Variants in ABTB1 observed in about 807,000 individuals in gnomAD.
ABTB1 encodes the protein ankyrin repeat and BTB/POZ domain-containing protein 1.
In ABTB1, 45 loss-of-function variants were observed where a neutral mutation model predicts 57.1. The observed-to-expected ratio is 0.79, with a 90% CI of 0.62 to 1.01. The LOEUF (loss-of-function observed/expected upper bound fraction) is 1.01, where lower values mean the gene tolerates loss of function less well. Among genes scored for constraint, ABTB1 ranks in the 50% least tolerant of loss-of-function variants. The pLI, the probability that ABTB1 is intolerant of heterozygous loss-of-function variation, is 0.00. For missense variants in ABTB1, 630 were observed against 666.3 expected (o/e 0.95, Z 0.60); for synonymous variants, 302 against 275.4 (o/e 1.10, Z -0.95).
rs1256454472 is a variant in ABTB1, at chr3:127,680,367, C to T, written c.1329C>T (p.Ile443=). 3 of 1,608,418 alleles carry T rather than the reference C, an allele frequency of 1.9e-6. No homozygotes were observed. Among genetic ancestry groups the T allele is most frequent in the Non-Finnish European group, 2.5e-6 (3 of 1,177,890 alleles). The stretch of plus-strand genomic sequence containing the variant: ...ACTCTATCCCGCTGGTGGACGACAT[C>T]CGCTTCCACGTGGCCAGCACGGTGC... ...ETDSIPLVDD[I]RFHVASTVQT... is the part of the protein sequence containing the mutation. The change falls in exon 12 of 12, where the codon ATC becomes ATT. Residue 443 remains isoleucine (I), a synonymous_variant. Transcript: ENST00000232744.
At chr3:127,677,880 C>G (rs1444375072) in intron 10 of ABTB1, 37 bp downstream of exon 10, 1 of 1,601,610 alleles carries the variant, frequency 6.2e-7, no homozygotes, top group East Asian at 2.2e-5. Flanking sequence ...GGCACACAAC[C>G]TGTGCTGCCG....
At chr3:127,674,296 C>T (rs976205964) in intron 1 of ABTB1, 95 bp from the exon 2 acceptor site, 2 of 1,512,392 alleles carry the variant, frequency 1.3e-6, no homozygotes, top group African/African-American at 1.4e-5. Context: ...TTCCCCATAC[C>T]AAAAGGGATG....
chr3:127,677,064 C>T lies in ABTB1; in HGVS notation c.624C>T (p.Cys208=), dbSNP rs1384311987. 1.9e-5 allele frequency: 31 copies of T among 1,614,020 alleles called. No individual in the cohort carries two copies. The highest frequency in any genetic ancestry group is 1.1e-4 in the African/African-American group (8 of 74,940). ...TGCTCAGCGACCTGGAGGCCAAGTG[C>T]GAGAAGGTGTCTGAGTTTGGTGCGA... ...WDLLSDLEAK[C]EKVSEFVASK... is the part of the protein sequence containing the mutation. Residue 208 remains cysteine (C), a synonymous_variant, in exon 7 of 12, where the codon TGC becomes TGT. Transcript: ENST00000232744.
chr3:127,676,788 C>A lies in ABTB1; in HGVS notation c.527-179C>A. On this transcript the variant is annotated intron_variant, in intron 6 of 11. Transcript: ENST00000232744. The surrounding 1 kb of genome is among the most constrained non-coding windows in gnomAD (Gnocchi z 5.4). ...GCTTGTCCCACCCACATGCTGAGGC[C>A]CTCCCATCTGTTCCCTGGGGCCTGT... 1.2e-6 allele frequency: 1 copy of A among 828,980 alleles called. No homozygotes were observed. Among genetic ancestry groups the A allele is most frequent in the Non-Finnish European group, 1.9e-6 (1 of 535,180 alleles). 51.4% of individuals were successfully genotyped at this position (828,980 alleles called of 1,614,324 possible). A position where few individuals can be genotyped will look rare whatever the true frequency, so the allele number is the denominator to read the frequency against.
At chr3:127,673,899 G>A (rs892986700) in intron 1 of ABTB1, among the ~76,000 whole-genome samples, 1 of 152,196 alleles carries the variant, frequency 6.6e-6, no homozygotes, top group African/African-American at 2.4e-5. Flanking sequence ...ATTAGCATTG[G>A]CGACTCCCCT....
At position 127,680,113 on chromosome 3, in the gene ABTB1, C is replaced by T. The variant is rs147604526; in HGVS notation, c.1158C>T (p.Arg386=). 1.5e-5 allele frequency: 24 copies of T among 1,613,786 alleles called. No individual in the cohort carries two copies. The highest frequency in any genetic ancestry group is 7.7e-5 in the South Asian group (7 of 91,096). The change falls in exon 11 of 12, where the codon CGC becomes CGT. Residue 386 remains arginine (R), a synonymous_variant. Transcript: ENST00000232744. ...AGGACACTGTGGTGGGTGTGTGGCG[C>T]GTGGCCAAGCTCTTCCGCCTGGCGC... is the stretch of plus-strand genomic sequence containing the variant. ...LDEDTVVGVW[R]VAKLFRLARL... is the part of the protein sequence containing the mutation.
chr3:127,679,962 C>A, intron 10 of ABTB1, 23 bp from the exon 11 acceptor site: 1 of 1,611,934 alleles, frequency 6.2e-7, no homozygotes, highest in Non-Finnish European at 8.5e-7. Flanking sequence ...CGGGGGGCAC[C>A]TTCATCCCTG....
chr3:127,677,880 C>T lies in ABTB1; in HGVS notation c.1029+37C>T, dbSNP rs1444375072. 3.1e-6 allele frequency: 5 copies of T among 1,601,728 alleles called. No homozygotes were observed. The East Asian group carries it at 1.1e-4, about 36-fold the overall frequency. On this transcript the variant is annotated intron_variant, in intron 10 of 11. Coordinates refer to ENST00000232744, the MANE Select transcript of ABTB1 (RefSeq NM_172027.3). ...GGCAGAGCTGGGGATGGCACACAAC[C>T]TGTGCTGCCGTGGGCTGAGAGGGAG...
Position 127,680,279 on chromosome 3 carries a change from G to C in ABTB1, c.1241G>C (p.Arg414Pro), listed in dbSNP as rs374331896. The C allele has an allele frequency of 6.2e-7, 1 of 1,613,352 alleles. No homozygotes were observed. The highest frequency in any genetic ancestry group is 1.3e-5 in the African/African-American group (1 of 74,936). The change falls in exon 12 of 12, where the codon CGG becomes CCG. Residue 414 changes from arginine to proline, a missense_variant. Physicochemically the swap from Arg to Pro is moderately radical, Grantham distance 103. This residue lies in a region of ABTB1 where 579 missense variants were observed against 585.9 expected (regional missense o/e 0.99). Coordinates refer to ENST00000232744, the MANE Select transcript of ABTB1 (RefSeq NM_172027.3). ...MAKVIEKLVE[R>P]EDFVEAVKEE... is the part of the protein sequence containing the mutation. Reference sequence around the variant, plus strand: ...CCTTCCCGCTCATAGCTGGTGGAGCGGGAGGACTTCGTGGAGGCGGTGAAG... The same window carrying C: ...CCTTCCCGCTCATAGCTGGTGGAGCCGGAGGACTTCGTGGAGGCGGTGAAG...
chr3:127,675,268 T>C (rs935083209), intron 3 of ABTB1, among the ~76,000 whole-genome samples: 27 of 144,912 alleles, frequency 1.9e-4, no homozygotes, highest in South Asian at 9.0e-4. Flanking sequence ...TTTTTTCTTT[T>C]TTTTTTTTTT....
At position 127,676,957 on chromosome 3, in the gene ABTB1, C is replaced by A. The variant is rs763680557; in HGVS notation, c.527-10C>A. ...GTCCCGCAGGCCCTCATCCTCCCCA[C>A]TGCCCCCAGGCCGCCTGGACATTGG... On this transcript the variant is annotated splice_polypyrimidine_tract_variant and intron_variant, in intron 6 of 11. Coordinates refer to ENST00000232744, the MANE Select transcript of ABTB1 (RefSeq NM_172027.3). This position sits in a 1 kb window ranked among gnomAD's most constrained non-coding sequence, Gnocchi z 5.4. 1.1e-5 allele frequency: 17 copies of A among 1,612,478 alleles called. No homozygotes were observed. The highest frequency in any genetic ancestry group is 1.0e-5 in the Non-Finnish European group (12 of 1,179,248).
rs748799438 is a variant in ABTB1 at position 127,677,162 on chromosome 3, C to A, written c.644-6C>A. The A allele has an allele frequency of 8.3e-5, 134 of 1,613,470 alleles. No individual in the cohort carries two copies. Among genetic ancestry groups the A allele is most frequent in the Non-Finnish European group, 1.1e-4 (130 of 1,179,726 alleles). On this transcript the variant is annotated splice_region_variant and splice_polypyrimidine_tract_variant and intron_variant, in intron 7 of 11. Coordinates refer to ENST00000232744, the MANE Select transcript of ABTB1 (RefSeq NM_172027.3). ...CTGGCTCCCTGAAGTTGTTCTTCCCCTGTAGTGGCGTCTAAGCCAGGCACG... is the reference window on the plus strand; with the variant it reads ...CTGGCTCCCTGAAGTTGTTCTTCCCATGTAGTGGCGTCTAAGCCAGGCACG...
Position 127,680,326 on chromosome 3 carries a change from G to A in ABTB1, c.1288G>A (p.Ala430Thr), listed in dbSNP as rs2107562005. 1 of 1,611,044 alleles carries A rather than the reference G, an allele frequency of 6.2e-7. No individual in the cohort carries two copies. The highest frequency in any genetic ancestry group is 2.2e-5 in the East Asian group (1 of 44,756). ...GAAGGAGGAGGCAGCGGCTGTGGCA[G>A]CCCGGCAGGAGACGGACTCTATCCC... ...AVKEEAAAVA[A>T]RQETDSIPLV... The change falls in exon 12 of 12, where the codon GCC becomes ACC. Residue 430 changes from alanine (A) to threonine (T), a missense_variant. Physicochemically the swap from Ala to Thr is moderately conservative, Grantham distance 58 (BLOSUM62 0). Coordinates refer to ENST00000232744, the MANE Select transcript of ABTB1 (RefSeq NM_172027.3).
rs1011312247 is a variant in ABTB1, at chr3:127,674,696, C to A, written c.175+96C>A. 6.2e-6 allele frequency: 9 copies of A among 1,445,324 alleles called. 1 individual carries two copies. In the Admixed American group the frequency reaches 1.4e-4, roughly 22 times the overall value. 89.5% of individuals were successfully genotyped at this position (1,445,324 alleles called of 1,614,324 possible). A position where few individuals can be genotyped will look rare whatever the true frequency, so the allele number is the denominator to read the frequency against. On this transcript the variant is annotated intron_variant, in intron 3 of 11. Coordinates refer to ENST00000232744, the MANE Select transcript of ABTB1 (RefSeq NM_172027.3). ...GTGCGTGCATTCAAAGGCCTTGATACACATTTGCAAAGCACCACGATTCCT... is the reference window on the plus strand; with the variant it reads ...GTGCGTGCATTCAAAGGCCTTGATAAACATTTGCAAAGCACCACGATTCCT...
chr3:127,677,079 G>C lies in ABTB1; in HGVS notation c.639G>C (p.Glu213Asp), dbSNP rs1204839555. Residue 213 changes from glutamate (E) to aspartate (D), a missense_variant, in exon 7 of 12, where the codon GAG becomes GAC. By Grantham distance (45) the Glu-to-Asp change is conservative. Coordinates refer to ENST00000232744, the MANE Select transcript of ABTB1 (RefSeq NM_172027.3). Reference protein sequence around the residue: ...DLEAKCEKVSEFVASKPGTCV... With the variant: ...DLEAKCEKVSDFVASKPGTCV... ...AGGCCAAGTGCGAGAAGGTGTCTGA[G>C]TTTGGTGCGAGCAGGGTTTGGGGCC... 6.2e-7 allele frequency: 1 copy of C among 1,614,104 alleles called. No homozygotes were observed. Among genetic ancestry groups the C allele is most frequent in the Non-Finnish European group, 8.5e-7 (1 of 1,179,992 alleles).
Position 127,680,515 on chromosome 3 carries a change from G to A in ABTB1, c.*40G>A. 1.3e-6 allele frequency: 2 copies of A among 1,592,802 alleles called. No homozygotes were observed. The highest frequency in any genetic ancestry group is 1.1e-5 in the South Asian group (1 of 90,110). On this transcript the variant is annotated 3_prime_UTR_variant, in exon 12 of 12. Transcript: ENST00000232744. The stretch of plus-strand genomic sequence containing the variant: ...AGCCCCAGGGGCCAGGAGCTCTCTT[G>A]GAGACAAGCATGTGTATGCGTTTGT...
chr3:127,674,176 GCA>G (rs2074920451), intron 1 of ABTB1: 1 of 598,792 alleles, frequency 1.7e-6, no homozygotes, highest in African/African-American at 1.9e-5. Flanking sequence ...AGCACTGATA[GCA>G]CACAGTGTCT....
intron 1 of ABTB1, 60 bp from the exon 2 acceptor site, chr3:127,674,331 G>T: frequency 6.4e-7 from 1 of 1,566,882 alleles, no homozygotes; most frequent in South Asian, 1.2e-5. Flanking sequence ...CTTTCCACGG[G>T]CCTTCTTTCT....
Position 127,680,255 on chromosome 3 carries a change from C to T in ABTB1, c.1231-14C>T. ...CAGGCACCCCTCCACTGAGCTGGCC[C>T]TTCCCGCTCATAGCTGGTGGAGCGG... is the stretch of plus-strand genomic sequence containing the variant. On this transcript the variant is annotated splice_polypyrimidine_tract_variant and intron_variant, in intron 11 of 11. Coordinates refer to ENST00000232744, the MANE Select transcript of ABTB1 (RefSeq NM_172027.3). 1 of 1,613,560 alleles carries T rather than the reference C, an allele frequency of 6.2e-7. No individual in the cohort carries two copies. Among genetic ancestry groups the T allele is most frequent in the Non-Finnish European group, 8.5e-7 (1 of 1,179,820 alleles).
Sources: allele counts gnomAD v4.1 joint callset (sites outside exome capture counted in the v4.1 genomes callset), GRCh38; gene constraint gnomAD v4.1.1; regional missense constraint gnomAD v4.1.1; non-coding constraint Gnocchi (gnomAD v3.1); transcripts MANE v1.5; gene names NCBI Gene and HGNC (gene_info 2026-07-23, HGNC 2026-07-21).